The following AMOTL1 variants were observed in gnomAD, a reference collection of about 807,000 sequenced individuals.
AMOTL1 encodes angiomotin like 1.
A neutral mutation model predicts 102.9 loss-of-function variants in AMOTL1; 45 were observed. The observed-to-expected ratio is 0.44, with a 90% CI of 0.34 to 0.56. AMOTL1 has a LOEUF of 0.56. Among genes scored for constraint, AMOTL1 ranks in the 20% least tolerant of loss-of-function variants. AMOTL1 has a pLI of 0.01. For synonymous variants in AMOTL1, 481 were observed against 484.7 expected, an observed-to-expected ratio of 0.99 and a Z score of 0.10; for missense variants, 1,114 against 1,225.6, an observed-to-expected ratio of 0.91 and a Z score of 1.36.
At chr11:94,710,684 A>G (rs1950010173) in intron 1 of AMOTL1, among the ~76,000 whole-genome samples, 1 of 152,170 alleles carries the variant, frequency 6.6e-6, no homozygotes. Flanking sequence ...TGCTCAAGAT[A>G]AGTGTTCAAT....
At chr11:94,773,519 C>T (rs553088971) in intron 1 of AMOTL1, among the ~76,000 whole-genome samples, 1 of 152,312 alleles carries the variant, frequency 6.6e-6, no homozygotes, top group Non-Finnish European at 1.5e-5. Flanking sequence ...GTGGACATTA[C>T]CATGTGTTAC....
At chr11:94,835,347 A>T (rs769149549) in intron 6 of AMOTL1, among the ~76,000 whole-genome samples, 8 of 152,178 alleles carry the variant, frequency 5.3e-5, no homozygotes, top group Non-Finnish European at 8.8e-5. Context: ...TCACATACAC[A>T]CATGCATACC....
chr11:94,848,593 G>T (rs1197008806), intron 6 of AMOTL1, among the ~76,000 whole-genome samples: 1 of 152,206 alleles, frequency 6.6e-6, no homozygotes, highest in Non-Finnish European at 1.5e-5. Context: ...AGGAAGACCA[G>T]ATTCTGGCCC....
chr11:94,863,676 C>T (rs1373355829), intron 9 of AMOTL1, among the ~76,000 whole-genome samples: 2 of 152,164 alleles, frequency 1.3e-5, no homozygotes, highest in African/African-American at 4.8e-5. Flanking sequence ...TCATGTCTTA[C>T]TAATTAAATA....
intron 3 of AMOTL1, among the ~76,000 whole-genome samples, chr11:94,757,225 A>G (rs12279797): frequency 0.022 from 3,392 of 152,280 alleles, 130 homozygotes; most frequent in African/African-American, 0.078. Context: ...CTAACAGGTT[A>G]ATAATAGTTA....
intron 1 of AMOTL1, among the ~76,000 whole-genome samples, chr11:94,770,367 A>C (rs1465327007): frequency 6.6e-6 from 1 of 152,084 alleles, no homozygotes; most frequent in East Asian, 1.9e-4. Context: ...ACTAGAATGA[A>C]GGAAAACACC....
intron 3 of AMOTL1, among the ~76,000 whole-genome samples, chr11:94,752,054 T>C (rs1426355623): frequency 1.3e-5 from 2 of 152,208 alleles, no homozygotes; most frequent in African/African-American, 4.8e-5. Flanking sequence ...CGGATGATCA[T>C]TGTGGAATTT....
At chr11:94,720,202 C>T (rs1298064546) in intron 1 of AMOTL1, among the ~76,000 whole-genome samples, 1 of 151,980 alleles carries the variant, frequency 6.6e-6, no homozygotes, top group Non-Finnish European at 1.5e-5. Context: ...GAACTTTGCT[C>T]AAATATATAT....
intron 2 of AMOTL1, among the ~76,000 whole-genome samples, chr11:94,732,122 A>G (rs1950364115): frequency 6.6e-6 from 1 of 152,040 alleles, no homozygotes; most frequent in South Asian, 2.1e-4. Flanking sequence ...CAGCTATTCT[A>G]TCTCTGAGGC....
chr11:94,842,260 A>C (rs1347164596), intron 6 of AMOTL1, among the ~76,000 whole-genome samples: 6 of 152,204 alleles, frequency 3.9e-5, no homozygotes, highest in Non-Finnish European at 8.8e-5. Flanking sequence ...ACGAAGATAG[A>C]AGGGTTTCGA....
chr11:94,752,037 T>A (rs2135490708), intron 3 of AMOTL1, among the ~76,000 whole-genome samples: 1 of 152,312 alleles, frequency 6.6e-6, no homozygotes, highest in East Asian at 1.9e-4. Flanking sequence ...CTGGGGCACA[T>A]TCTTGCCGGA....
chr11:94,798,833 A>G (rs1951413745), intron 2 of AMOTL1, among the ~76,000 whole-genome samples: 1 of 152,070 alleles, frequency 6.6e-6, no homozygotes, highest in Non-Finnish European at 1.5e-5. Context: ...TGCTTCAGAA[A>G]AGTTAGGTGT....
intron 11 of AMOTL1, among the ~76,000 whole-genome samples, chr11:94,867,269 A>G (rs536338209): frequency 6.6e-6 from 1 of 152,294 alleles, no homozygotes; most frequent in South Asian, 2.1e-4. Context: ...ATGCACTTCA[A>G]AGAAGACGTG....
At chr11:94,808,113 A>G (rs1951599099) in intron 3 of AMOTL1, among the ~76,000 whole-genome samples, 1 of 139,412 alleles carries the variant, frequency 7.2e-6, no homozygotes, top group African/African-American at 2.7e-5. Context: ...GAACAAAACA[A>G]AAAACTATAT....
At chr11:94,816,773 G>C (rs1951774043) in intron 3 of AMOTL1, among the ~76,000 whole-genome samples, 1 of 152,156 alleles carries the variant, frequency 6.6e-6, no homozygotes, top group Admixed American at 6.6e-5. Context: ...CTCATCTTCA[G>C]ATCCGGTAGA....
In AMOTL1 at chr11:94,875,710, A is replaced by C. The variant is rs935081333; in HGVS notation, c.*4915A>C. The C allele has an allele frequency of 1.3e-5, 2 of 152,316 alleles. No individual in the cohort carries two copies. Among genetic ancestry groups the C allele is most frequent in the Admixed American group, 6.5e-5 (1 of 15,296 alleles). 9.4% of individuals were successfully genotyped at this position (152,316 alleles called of 1,614,324 possible). A position where few individuals can be genotyped will look rare whatever the true frequency, so the allele number is the denominator to read the frequency against. ...ATGAAAAAAGATGGCAATTAAGGTA[A>C]GTTACACCATTTTTGTTTCTAAAAA... On this transcript the variant is annotated 3_prime_UTR_variant, in exon 13 of 13. Transcript: ENST00000433060.
At position 94,799,269 on chromosome 11, in the gene AMOTL1, C is replaced by A; in HGVS notation, c.200-121C>A. 1 of 845,508 alleles carries A rather than the reference C, an allele frequency of 1.2e-6. No homozygotes were observed. The highest frequency in any genetic ancestry group is 1.8e-6 in the Non-Finnish European group (1 of 559,836). The allele number at this position is 845,508 out of a possible 1,614,324, so 52.4% of individuals were successfully genotyped here. ...TGCCAGGTAAATGGAGGTGATGATG[C>A]ATTTGAAATCTTATTTTTAAATGTT... On this transcript the variant is annotated intron_variant, in intron 2 of 12. Coordinates refer to ENST00000433060, the MANE Select transcript of AMOTL1 (RefSeq NM_130847.3). The surrounding 1 kb of genome is among the most constrained non-coding windows in gnomAD (Gnocchi z 4.5).
upstream of AMOTL1, among the ~76,000 whole-genome samples, chr11:94,767,148 GTCT>G (rs1490011430): frequency 6.6e-6 from 1 of 152,084 alleles, no homozygotes; most frequent in Non-Finnish European, 1.5e-5. Context: ...CACACATCTT[GTCT>G]TCTTAGACAG....
At chr11:94,833,117 T>C (rs942002441) in intron 6 of AMOTL1, among the ~76,000 whole-genome samples, 10 of 152,228 alleles carry the variant, frequency 6.6e-5, no homozygotes, top group African/African-American at 2.2e-4. Flanking sequence ...GCAAATATGC[T>C]CCACTTGTGT....
Sources: allele counts gnomAD v4.1 joint callset (sites outside exome capture counted in the v4.1 genomes callset), GRCh38; gene constraint gnomAD v4.1.1; non-coding constraint Gnocchi (gnomAD v3.1); transcripts MANE v1.5; gene names NCBI Gene and HGNC (gene_info 2026-07-23, HGNC 2026-07-21).